The following ARPP19 variants were observed in gnomAD, a reference collection of about 807,000 sequenced individuals.
ARPP19 encodes the protein cAMP-regulated phosphoprotein 19.
ARPP19 carries 8 observed loss-of-function variants against 12.0 expected under a neutral mutation model. That is an observed-to-expected ratio of 0.67 (90% CI 0.39 to 1.21). The LOEUF (loss-of-function observed/expected upper bound fraction) is 1.21. Among genes scored for constraint, ARPP19 ranks in the 50% most tolerant of loss-of-function variants. The pLI, the probability that ARPP19 is intolerant of heterozygous loss-of-function variation, is 0.01. For synonymous variants in ARPP19, 47 were observed against 50.4 expected (o/e 0.93, Z 0.29); for missense variants, 102 against 136.3 (o/e 0.75, Z 1.25).
rs1340133183 is a variant in ARPP19, at chr15:52,547,055, C to A, written c.*4879G>T. ...TAAGATGAAAAAGACTCACAATCTG[C>A]AAACATTTAATCCTACCTTAAGTAC... On this transcript the variant is annotated 3_prime_UTR_variant, in exon 3 of 3. Coordinates refer to ENST00000249822, the MANE Select transcript of ARPP19 (RefSeq NM_006628.6). 1 of 138,510 alleles carries A rather than the reference C, an allele frequency of 7.2e-6. No individual in the cohort carries two copies. The highest frequency in any genetic ancestry group is 1.5e-5 in the Non-Finnish European group (1 of 65,262). 8.6% of individuals were successfully genotyped at this position (138,510 alleles called of 1,614,324 possible).
At chr15:52,561,544 T>A (rs1468204754) in intron 1 of ARPP19, among the ~76,000 whole-genome samples, 1 of 152,166 alleles carries the variant, frequency 6.6e-6, no homozygotes, top group South Asian at 2.1e-4. Context: ...GGGTTTATAA[T>A]CTTAATTTTT....
intron 1 of ARPP19, chr15:52,564,124 A>G (rs2078059831): frequency 1.7e-6 from 2 of 1,171,552 alleles, no homozygotes; most frequent in Non-Finnish European, 2.4e-6. Flanking sequence ...CAACCCTAAC[A>G]AACTGTTGTA....
chr15:52,551,957 C>G lies in ARPP19; in HGVS notation c.316G>C (p.Val106Leu). The change falls in exon 3 of 3, where the codon GTT (valine) becomes CTT (leucine). Residue 106 changes from valine to leucine, a missense_variant. Transcript: ENST00000249822. ...QDLPQRKPSLVASKLAG is the reference protein window; with the variant it reads ...QDLPQRKPSLLASKLAG ...AATCAGCCAGCCAGCTTGCTAGCAA[C>G]AAGGGACGGCTTCCGTTGAGGAAGG... The G allele has an allele frequency of 6.2e-7, 1 of 1,613,650 alleles. No homozygotes were observed. Among genetic ancestry groups the G allele is most frequent in the South Asian group, 1.1e-5 (1 of 91,022 alleles).
chr15:52,564,437 C>T (rs1319670387), intron 1 of ARPP19, among the ~76,000 whole-genome samples: 3 of 152,188 alleles, frequency 2.0e-5, no homozygotes, highest in African/African-American at 7.2e-5. Context: ...ATTCTTCAGC[C>T]TTTAGGTAAC....
Position 52,557,348 on chromosome 15 carries a change from A to G in ARPP19, c.46-126T>C, listed in dbSNP as rs2077990248. ...AAGTACCACAGCATCTGACTAAGAA[A>G]TCAAACCCAGAAGCCTTTAAAACAT... On this transcript the variant is annotated intron_variant, in intron 1 of 2. Coordinates refer to ENST00000249822, the MANE Select transcript of ARPP19 (RefSeq NM_006628.6). 4.0e-6 allele frequency: 3 copies of G among 742,466 alleles called. No homozygotes were observed. In the African/African-American group the frequency reaches 5.3e-5, roughly 13 times the overall value. The allele number at this position is 742,466 out of a possible 1,614,324, so 46.0% of individuals were successfully genotyped here.
intron 1 of ARPP19, among the ~76,000 whole-genome samples, chr15:52,563,236 G>A (rs2078051594): frequency 6.6e-6 from 1 of 152,108 alleles, no homozygotes; most frequent in Non-Finnish European, 1.5e-5. Flanking sequence ...GTGTTACACA[G>A]CAATTTTACT....
In ARPP19 at chr15:52,548,125, G is replaced by A. The variant is rs1384560274; in HGVS notation, c.*3809C>T. The A allele has an allele frequency of 6.6e-6, 1 of 152,224 alleles. No individual in the cohort carries two copies. The highest frequency in any genetic ancestry group is 1.5e-5 in the Non-Finnish European group (1 of 68,040). 9.4% of individuals were successfully genotyped at this position (152,224 alleles called of 1,614,324 possible). On this transcript the variant is annotated 3_prime_UTR_variant, in exon 3 of 3. Transcript: ENST00000249822. ...TCTGCAATTTCACTTTCTGTAGTTTGTTACCTGAGGCAACCTTGGTCCAAA... is the reference window on the plus strand; with the variant it reads ...TCTGCAATTTCACTTTCTGTAGTTTATTACCTGAGGCAACCTTGGTCCAAA...
At chr15:52,559,163 A>C (rs1048159074) in intron 1 of ARPP19, among the ~76,000 whole-genome samples, 3 of 152,200 alleles carry the variant, frequency 2.0e-5, no homozygotes, top group Admixed American at 6.5e-5. Flanking sequence ...ATCTCTTTAC[A>C]GTGGCCACGT....
intron 1 of ARPP19, among the ~76,000 whole-genome samples, chr15:52,567,447 G>C (rs954463999): frequency 5.9e-5 from 9 of 152,182 alleles, no homozygotes; most frequent in African/African-American, 1.7e-4. Flanking sequence ...TTAATGCTAA[G>C]TTTGATGTAA....
rs1434150757 is a variant in ARPP19, at chr15:52,550,757, A to C, written c.*1177T>G. ...CAATACCATTTGAGTCAAAGAACAAAGGGGAAAAAAAAGCAGGTGGCAGAG... is the reference window on the plus strand; with the variant it reads ...CAATACCATTTGAGTCAAAGAACAACGGGGAAAAAAAAGCAGGTGGCAGAG... On this transcript the variant is annotated 3_prime_UTR_variant, in exon 3 of 3. Coordinates refer to ENST00000249822, the MANE Select transcript of ARPP19 (RefSeq NM_006628.6). The C allele has an allele frequency of 2.6e-5, 4 of 152,654 alleles. No individual in the cohort carries two copies. The highest frequency in any genetic ancestry group is 9.6e-5 in the African/African-American group (4 of 41,456). The allele number at this position is 152,654 out of a possible 1,614,324, so 9.5% of individuals were successfully genotyped here.
intron 1 of ARPP19, chr15:52,557,749 T>C (rs1482508778): frequency 1.3e-5 from 2 of 151,932 alleles, no homozygotes; most frequent in Non-Finnish European, 2.9e-5. Flanking sequence ...AATATTTTTA[T>C]TATTTTAAAT....
intron 1 of ARPP19, among the ~76,000 whole-genome samples, chr15:52,562,931 G>A (rs191552076): frequency 2.1e-5 from 3 of 142,366 alleles, no homozygotes; most frequent in Admixed American, 7.3e-5. Context: ...GTGGTGGCAC[G>A]ATCTCGGCTC....
At chr15:52,564,306 T>TG in intron 1 of ARPP19, 1 of 1,288,758 alleles carries the variant, frequency 7.8e-7, no homozygotes, top group Non-Finnish European at 1.1e-6. Context: ...CCCAGCTACT[T>TG]GGAGGCTGAG....
intron 2 of ARPP19, among the ~76,000 whole-genome samples, chr15:52,554,418 G>C (rs190179500): frequency 7.0e-6 from 1 of 142,382 alleles, no homozygotes; most frequent in Admixed American, 7.5e-5. Flanking sequence ...AGATGTCAGA[G>C]AAAGAAGCTA....
chr15:52,563,333 A>G (rs1437241298), intron 1 of ARPP19, among the ~76,000 whole-genome samples: 1 of 152,194 alleles, frequency 6.6e-6, no homozygotes, highest in Non-Finnish European at 1.5e-5. Context: ...AGAAGGCAGA[A>G]TTCTGAACTT....
chr15:52,552,501 T>A (rs1184159756), intron 2 of ARPP19, among the ~76,000 whole-genome samples: 2 of 145,076 alleles, frequency 1.4e-5, no homozygotes, highest in African/African-American at 2.6e-5. Flanking sequence ...GGCTTAAGAG[T>A]CATGTGAACC....
chr15:52,550,546 G>C lies in ARPP19; in HGVS notation c.*1388C>G, dbSNP rs2077919784. 1 of 152,098 alleles carries C rather than the reference G, an allele frequency of 6.6e-6. No individual in the cohort carries two copies. Among genetic ancestry groups the C allele is most frequent in the Admixed American group, 6.5e-5 (1 of 15,274 alleles). The allele number at this position is 152,098 out of a possible 1,614,324, so 9.4% of individuals were successfully genotyped here. A position where few individuals can be genotyped will look rare whatever the true frequency, so the allele number is the denominator to read the frequency against. On this transcript the variant is annotated 3_prime_UTR_variant, in exon 3 of 3. Coordinates refer to ENST00000249822, the MANE Select transcript of ARPP19 (RefSeq NM_006628.6). ...TCAAGAATAGTTAACTTGAGCCTAGGAGTAAGGTTGCAGTGAGCTGTGATT... is the reference window on the plus strand; with the variant it reads ...TCAAGAATAGTTAACTTGAGCCTAGCAGTAAGGTTGCAGTGAGCTGTGATT...
intron 1 of ARPP19, among the ~76,000 whole-genome samples, chr15:52,560,311 C>G (rs368465241): frequency 4.9e-4 from 74 of 152,110 alleles, no homozygotes; most frequent in Middle Eastern, 6.8e-3. Context: ...CCCTTGTTTT[C>G]TTAATAAGGA....
rs1403294141 is a variant in ARPP19, at chr15:52,552,242, T to C, written c.169-138A>G. ...AATATTAATTAGATGAAATAGTCTC[T>C]GTACTGAGTTCCAGCATAAGTCAAC... On this transcript the variant is annotated intron_variant, in intron 2 of 2. Transcript: ENST00000249822. The C allele has an allele frequency of 4.9e-6, 3 of 612,580 alleles. No homozygotes were observed. The South Asian group carries it at 5.9e-5, about 12-fold the overall frequency. 37.9% of individuals were successfully genotyped at this position (612,580 alleles called of 1,614,324 possible). A position where few individuals can be genotyped will look rare whatever the true frequency, so the allele number is the denominator to read the frequency against.
Sources: allele counts gnomAD v4.1 joint callset (sites outside exome capture counted in the v4.1 genomes callset), GRCh38; gene constraint gnomAD v4.1.1; transcripts MANE v1.5; gene names NCBI Gene and HGNC (gene_info 2026-07-23, HGNC 2026-07-21).